ENTREP2: variants seen among roughly 807,000 people sequenced by gnomAD.
ENTREP2 encodes the protein protein ENTREP2.
chr15:29,584,336 T>C, the ENTREP2 span, among the ~76,000 whole-genome samples: 1 of 152,318 alleles, frequency 6.6e-6, no homozygotes, highest in East Asian at 1.9e-4. Flanking sequence ...TGAAGAGATA[T>C]CTGCACTTCA....
At chr15:29,569,133 T>C in the ENTREP2 span, among the ~76,000 whole-genome samples, 1 of 152,212 alleles carries the variant, frequency 6.6e-6, no homozygotes, top group Non-Finnish European at 1.5e-5. Flanking sequence ...GAGGGGCATT[T>C]AAATCATGGC....
chr15:29,150,274 T>TGG, the ENTREP2 span, among the ~76,000 whole-genome samples: 1 of 152,108 alleles, frequency 6.6e-6, no homozygotes, highest in Admixed American at 6.5e-5. Flanking sequence ...CGCCTGCTCA[T>TGG]GCCCCACCCA....
the ENTREP2 span, among the ~76,000 whole-genome samples, chr15:29,406,149 T>C: frequency 6.6e-6 from 1 of 152,206 alleles, no homozygotes; most frequent in Non-Finnish European, 1.5e-5. Context: ...TTCACTGACA[T>C]CACCTTAATG....
At chr15:29,588,498 G>C in the ENTREP2 span, among the ~76,000 whole-genome samples, 1 of 138,846 alleles carries the variant, frequency 7.2e-6, no homozygotes, top group Middle Eastern at 3.6e-3. Flanking sequence ...TCAAGAGAGA[G>C]AGAGAGAGAG....
At chr15:29,269,453 GC>G in the ENTREP2 span, 1 of 1,613,732 alleles carries the variant, frequency 6.2e-7, no homozygotes, top group South Asian at 1.1e-5. Flanking sequence ...TTCAGCTCCA[GC>G]TGCTTCTGGC....
the ENTREP2 span, among the ~76,000 whole-genome samples, chr15:29,395,053 CT>C: frequency 3.9e-5 from 5 of 127,730 alleles, no homozygotes; most frequent in East Asian, 4.8e-4. Flanking sequence ...CGCCCGGCTA[CT>C]TTTTTTTGTA....
At chr15:29,515,076 C>T in the ENTREP2 span, among the ~76,000 whole-genome samples, 1 of 152,176 alleles carries the variant, frequency 6.6e-6, no homozygotes, top group African/African-American at 2.4e-5. Flanking sequence ...AGTTTTGACA[C>T]CTGTTAAAGG....
At chr15:29,541,701 G>C in the ENTREP2 span, among the ~76,000 whole-genome samples, 1 of 152,174 alleles carries the variant, frequency 6.6e-6, no homozygotes, top group African/African-American at 2.4e-5. Flanking sequence ...AAATGGGAGG[G>C]AACAGGCAGA....
chr15:29,620,472 A>G, the ENTREP2 span, among the ~76,000 whole-genome samples: 1 of 152,074 alleles, frequency 6.6e-6, no homozygotes, highest in South Asian at 2.1e-4. Context: ...CCACCTTGCA[A>G]ATCTCAAGAA....
chr15:29,179,532 G>A, the ENTREP2 span, among the ~76,000 whole-genome samples: 1 of 152,132 alleles, frequency 6.6e-6, no homozygotes, highest in Admixed American at 6.5e-5. Context: ...TGAGTCATCG[G>A]AGTCTGCGTG....
the ENTREP2 span, among the ~76,000 whole-genome samples, chr15:29,128,260 C>A: frequency 6.6e-6 from 1 of 152,172 alleles, no homozygotes; most frequent in African/African-American, 2.4e-5. Flanking sequence ...GAGCCTTAGA[C>A]CACCTCCCCC....
the ENTREP2 span, among the ~76,000 whole-genome samples, chr15:29,405,163 C>A: frequency 1.3e-5 from 2 of 152,088 alleles, no homozygotes; most frequent in Non-Finnish European, 2.9e-5. Flanking sequence ...CCGAGGCGGG[C>A]AGATCACCTG....
chr15:29,416,716 C>T, the ENTREP2 span, among the ~76,000 whole-genome samples: 1 of 152,128 alleles, frequency 6.6e-6, no homozygotes, highest in Non-Finnish European at 1.5e-5. Flanking sequence ...AGGCAACCTA[C>T]AGAATGGGAG....
the ENTREP2 span, chr15:29,196,321 AC>A: frequency 1.7e-6 from 2 of 1,185,618 alleles, no homozygotes; most frequent in Non-Finnish European, 1.2e-6. Context: ...CACTGAACCT[AC>A]CCCGGGAAGT....
chr15:29,195,826 G>A, the ENTREP2 span, among the ~76,000 whole-genome samples: 1 of 152,182 alleles, frequency 6.6e-6, no homozygotes, highest in Non-Finnish European at 1.5e-5. Flanking sequence ...CGCCCGGCTT[G>A]TGCCACATCT....
the ENTREP2 span, among the ~76,000 whole-genome samples, chr15:29,235,805 A>T: frequency 6.6e-6 from 1 of 152,146 alleles, no homozygotes; most frequent in East Asian, 1.9e-4. Flanking sequence ...CTCTACCAAA[A>T]ATACAAACAT....
At chr15:29,260,273 C>T in the ENTREP2 span, among the ~76,000 whole-genome samples, 3 of 152,140 alleles carry the variant, frequency 2.0e-5, no homozygotes, top group Non-Finnish European at 4.4e-5. Context: ...AAAGACACTA[C>T]AAGAAAAGTA....
chr15:29,411,685 T>C, the ENTREP2 span, among the ~76,000 whole-genome samples: 1 of 152,254 alleles, frequency 6.6e-6, no homozygotes. Flanking sequence ...CTTTCAAACA[T>C]ATTTTTCAGC....
At chr15:29,159,418 C>G in the ENTREP2 span, among the ~76,000 whole-genome samples, 2 of 152,120 alleles carry the variant, frequency 1.3e-5, no homozygotes, top group African/African-American at 4.8e-5. Flanking sequence ...AATAACAAAG[C>G]TTCCACAGCA....
Sources: gnomAD v4.1 joint callset for allele counts (sites outside exome capture counted in the v4.1 genomes callset) on GRCh38, gnomAD v4.1.1 for gene constraint, MANE v1.5 for transcripts, NCBI Gene and HGNC (gene_info 2026-07-23, HGNC 2026-07-21) for gene names.